Variants in SETD9 observed in about 807,000 individuals in gnomAD.
SETD9 encodes the protein SET domain-containing protein 9.
Under a neutral mutation model 36.4 loss-of-function variants are expected in SETD9, and 37 were observed. That is an observed-to-expected ratio of 1.02 (90% confidence interval 0.78 to 1.34). The LOEUF (loss-of-function observed/expected upper bound fraction) is 1.34. Ranked by LOEUF, SETD9 falls within the 40% of genes most tolerant of loss-of-function variation. The pLI, the probability that SETD9 is intolerant of heterozygous loss-of-function variation, is 0.00. For synonymous variants in SETD9, 128 were observed against 132.9 expected (o/e 0.96, Z 0.26); for missense variants, 323 against 353.2 (o/e 0.91, Z 0.69).
At chr5:56,925,955 A>C (rs1749955478), downstream of SETD9, among the ~76,000 whole-genome samples, 1 of 152,110 alleles carries the variant, frequency 6.6e-6, no homozygotes, top group Non-Finnish European at 1.5e-5. Flanking sequence ...GGGTACAGTC[A>C]ACTGATCTTT....
upstream of SETD9, chr5:56,909,512 G>C: frequency 1.7e-6 from 1 of 594,362 alleles, no homozygotes; most frequent in Non-Finnish European, 2.8e-6. Context: ...GAAGTCAGGC[G>C]GTGCCAGGAA....
chr5:56,909,335 G>C, upstream of SETD9: 1 of 269,096 alleles, frequency 3.7e-6, no homozygotes, highest in South Asian at 8.9e-5. Flanking sequence ...CCTGAGGCCC[G>C]GTGACCCTTC....
chr5:56,916,448 A>G, intron 5 of SETD9, among the ~76,000 whole-genome samples: 1 of 152,218 alleles, frequency 6.6e-6, no homozygotes, highest in East Asian at 1.9e-4. Flanking sequence ...TTAAAACTCC[A>G]ACTAATTTTA....
chr5:56,927,113 T>C (rs1165551618), downstream of SETD9, among the ~76,000 whole-genome samples: 1 of 149,274 alleles, frequency 6.7e-6, no homozygotes, highest in Non-Finnish European at 1.5e-5. Context: ...GAGGGAAGAA[T>C]AAAACATGAG....
downstream of SETD9, chr5:56,928,757 C>A (rs1438566882): frequency 6.3e-7 from 1 of 1,588,374 alleles, no homozygotes; most frequent in Non-Finnish European, 8.6e-7. Flanking sequence ...TACTAATCTG[C>A]CTAATTTACC....
At chr5:56,928,742 A>G (rs369897045), downstream of SETD9, 1 of 1,506,998 alleles carries the variant, frequency 6.6e-7, no homozygotes, top group Non-Finnish European at 9.1e-7. Flanking sequence ...CTAGTAATTT[A>G]TCTGTACTAA....
chr5:56,920,479 T>C (rs529673297), downstream of SETD9: 34 of 152,592 alleles, frequency 2.2e-4, no homozygotes, highest in Non-Finnish European at 4.7e-4. Flanking sequence ...TTATCACAGT[T>C]TGTTATAAGA....
At chr5:56,922,657 G>T (rs1749727407) in intron 5 of SETD9, 2 of 157,654 alleles carry the variant, frequency 1.3e-5, no homozygotes. Context: ...AGCAGGGATC[G>T]GGATCGGTAC....
intron 1 of SETD9, chr5:56,910,046 G>T (rs967235124): frequency 7.5e-5 from 99 of 1,312,792 alleles, no homozygotes; most frequent in Admixed American, 1.3e-4. Context: ...AGTGTCCGCT[G>T]CGCTGCCGGG....
downstream of SETD9, chr5:56,921,858 C>T (rs1158683520): frequency 1.3e-5 from 2 of 152,564 alleles, no homozygotes; most frequent in Non-Finnish European, 1.5e-5. Flanking sequence ...GTTTGATTCA[C>T]CTTATAACTT....
chr5:56,910,654 C>T (rs1749072112), intron 1 of SETD9: 2 of 258,798 alleles, frequency 7.7e-6, no homozygotes, highest in Non-Finnish European at 1.5e-5. Context: ...ATAAGAGGTG[C>T]AGTCATTGAA....
At chr5:56,912,024 G>A (rs1238722302) in intron 2 of SETD9, 1 of 184,246 alleles carries the variant, frequency 5.4e-6, no homozygotes, top group Non-Finnish European at 1.0e-5. Context: ...GTGTGGTGGT[G>A]TGCACCTGTA....
Position 56,914,876 on chromosome 5 carries a change from T to A in SETD9, c.722T>A (p.Val241Asp). ...TTGTTCCTAGACAGAGCAGCTAATG[T>A]CTGTTATCAGGAATTTGATGTGCCT... Reference protein sequence around the residue: ...NNCSNDRAANVCYQEFDVPAV... With the variant: ...NNCSNDRAANDCYQEFDVPAV... Residue 241 changes from valine (V) to aspartate (D), a missense_variant, in exon 5 of 6, where the codon GTC (valine) becomes GAC (aspartate). Coordinates refer to ENST00000285947, the MANE Select transcript of SETD9 (RefSeq NM_153706.4). 2.5e-6 allele frequency: 4 copies of A among 1,599,664 alleles called. No homozygotes were observed. The highest frequency in any genetic ancestry group is 3.4e-6 in the Non-Finnish European group (4 of 1,170,226).
downstream of SETD9, chr5:56,919,918 A>G (rs116563691): frequency 1.5e-3 from 234 of 152,766 alleles, 1 homozygote; most frequent in African/African-American, 5.2e-3. Flanking sequence ...TTTAAAAAAC[A>G]TAGTAACGTC....
downstream of SETD9, among the ~76,000 whole-genome samples, chr5:56,918,963 G>GGAA (rs1378819373): frequency 1.3e-5 from 2 of 152,208 alleles, no homozygotes; most frequent in South Asian, 2.1e-4. Context: ...GTATGGATAA[G>GGAA]GAAGACTAGT....
At chr5:56,928,481 T>C (rs1750110246), downstream of SETD9, 1 of 216,464 alleles carries the variant, frequency 4.6e-6, no homozygotes, top group Non-Finnish European at 9.1e-6. Flanking sequence ...AATGGCTTGA[T>C]AAGAAAGGAA....
At chr5:56,919,879 C>A (rs939512869), downstream of SETD9, 3 of 152,532 alleles carry the variant, frequency 2.0e-5, no homozygotes, top group African/African-American at 7.2e-5. Flanking sequence ...CTAATAGTTT[C>A]CTCCATTTAG....
downstream of SETD9, chr5:56,921,995 A>C (rs1749695448): frequency 6.5e-6 from 1 of 152,764 alleles, no homozygotes; most frequent in African/African-American, 2.4e-5. Flanking sequence ...TTTAAAACTT[A>C]AAAGTGGTAA....
chr5:56,916,325 G>C (rs1749423530), intron 5 of SETD9, among the ~76,000 whole-genome samples: 1 of 151,520 alleles, frequency 6.6e-6, no homozygotes, highest in African/African-American at 2.4e-5. Flanking sequence ...CCGGGAGGCA[G>C]AGGTTGCAGT....
Sources: gnomAD v4.1 joint callset for allele counts (sites outside exome capture counted in the v4.1 genomes callset) on GRCh38, gnomAD v4.1.1 for gene constraint, MANE v1.5 for transcripts, NCBI Gene and HGNC (gene_info 2026-07-23, HGNC 2026-07-21) for gene names.